The following TTC8 variants were observed in gnomAD, a reference collection of about 807,000 sequenced individuals.
The protein encoded by TTC8 is tetratricopeptide repeat protein 8.
A neutral mutation model predicts 72.5 loss-of-function variants in TTC8; 47 were observed. The ratio of observed to expected loss-of-function variants is 0.65; its 90% confidence interval spans 0.51 to 0.83. The LOEUF (loss-of-function observed/expected upper bound fraction) is 0.83, where lower values mean the gene tolerates loss of function less well. TTC8 is among the 40% of genes least tolerant of loss of function. The pLI is 0.00. For synonymous variants in TTC8, 199 were observed against 221.4 expected (o/e 0.90, Z 0.90); for missense variants, 611 against 623.2 (o/e 0.98, Z 0.21).
intron 2 of TTC8, among the ~76,000 whole-genome samples, chr14:88,837,337 T>C (rs1595936372): frequency 6.6e-6 from 1 of 152,300 alleles, no homozygotes; most frequent in Non-Finnish European, 1.5e-5. Context: ...TCTTCACTTC[T>C]ACCCTTCCTT....
downstream of TTC8, chr14:88,878,376 G>A (rs377187999): frequency 2.0e-5 from 3 of 152,246 alleles, no homozygotes; most frequent in African/African-American, 7.2e-5. Flanking sequence ...TCATACTTTG[G>A]ACTTTGGGAC....
intron 7 of TTC8, among the ~76,000 whole-genome samples, chr14:88,844,801 C>T (rs1424595409): frequency 6.6e-6 from 1 of 152,004 alleles, no homozygotes; most frequent in Non-Finnish European, 1.5e-5. Flanking sequence ...ATCCTCCTGC[C>T]TCAGCTTCCC....
upstream of TTC8, chr14:88,824,622 C>G (rs1183904261): frequency 1.0e-5 from 12 of 1,151,678 alleles, no homozygotes; most frequent in South Asian, 1.1e-4. Flanking sequence ...CGCGGGTTGC[C>G]GGGCAGAGTC....
At chr14:88,861,399 G>C (rs1179589884) in intron 10 of TTC8, 67 bp downstream of exon 10, 6 of 1,221,356 alleles carry the variant, frequency 4.9e-6, no homozygotes, top group Non-Finnish European at 7.1e-6. Context: ...TGTGGTACAT[G>C]TGATATTTTA....
chr14:88,843,677 T>A, intron 6 of TTC8, 129 bp from the exon 7 acceptor site: 1 of 618,996 alleles, frequency 1.6e-6, no homozygotes. Context: ...AGTAATATTT[T>A]AAAATGAGTG....
In TTC8 at chr14:88,861,282, A is replaced by G. The variant is rs762134991; in HGVS notation, c.859A>G (p.Lys287Glu). ...AAATCTTTTCAAACAAGGCTTAGAT[A>G]AGTTTCCAGGAGAAGTAACCCTGCT... ...ALNLFKQGLD[K>E]FPGEVTLLCG... The change falls in exon 10 of 15, where the codon AAG (lysine) becomes GAG (glutamate). Residue 287 changes from lysine (K) to glutamate (E), a missense_variant. Physicochemically the swap from Lys to Glu is moderately conservative, Grantham distance 56. Coordinates refer to ENST00000380656, the MANE Select transcript of TTC8 (RefSeq NM_144596.4). 3.1e-6 allele frequency: 5 copies of G among 1,613,034 alleles called. No homozygotes were observed. In the South Asian group the frequency reaches 5.5e-5, roughly 18 times the overall value.
At chr14:88,839,376 G>A (rs1206217842) in intron 2 of TTC8, 76 bp from the exon 3 acceptor site, 1 of 1,447,254 alleles carries the variant, frequency 6.9e-7, no homozygotes, top group Non-Finnish European at 9.6e-7. Context: ...CAACAATGAA[G>A]GATGGCTATT....
chr14:88,873,411 CT>C (rs1424678148), intron 13 of TTC8, among the ~76,000 whole-genome samples: 2 of 152,182 alleles, frequency 1.3e-5, no homozygotes, highest in Admixed American at 1.3e-4. Flanking sequence ...TATCACATCT[CT>C]TACTTTTTTT....
At chr14:88,856,308 T>G (rs888056495) in intron 8 of TTC8, among the ~76,000 whole-genome samples, 17 of 152,318 alleles carry the variant, frequency 1.1e-4, no homozygotes, top group Admixed American at 6.5e-5. Context: ...ACACCAATGC[T>G]TAAGGTTTAA....
chr14:88,860,911 C>T (rs1392752080), intron 9 of TTC8, among the ~76,000 whole-genome samples: 1 of 151,732 alleles, frequency 6.6e-6, no homozygotes, highest in Non-Finnish European at 1.5e-5. Context: ...TCTAGTGATC[C>T]TCCCATCTCA....
In TTC8 at chr14:88,824,693, G is replaced by A. The variant is rs1344706876; in HGVS notation, c.-15G>A. 1 of 1,591,850 alleles carries A rather than the reference G, an allele frequency of 6.3e-7. No homozygotes were observed. Among genetic ancestry groups the A allele is most frequent in the South Asian group, 1.1e-5 (1 of 88,238 alleles). ...CTCCTGGAGCGCTGGGCCTTCGCTG[G>A]CCGCACCGGCAGCCATGAGCTCGGA... On this transcript the variant is annotated 5_prime_UTR_variant, in exon 1 of 15. Coordinates refer to ENST00000380656, the MANE Select transcript of TTC8 (RefSeq NM_144596.4).
chr14:88,828,660 G>T (rs769503448), intron 1 of TTC8, among the ~76,000 whole-genome samples: 23 of 151,870 alleles, frequency 1.5e-4, no homozygotes, highest in Non-Finnish European at 2.4e-4. Context: ...TTCACTTTTG[G>T]TTTTGCTTAT....
intron 9 of TTC8, among the ~76,000 whole-genome samples, chr14:88,859,447 T>C (rs1237514543): frequency 6.6e-6 from 1 of 152,076 alleles, no homozygotes; most frequent in Admixed American, 6.5e-5. Context: ...GTTCTCACTA[T>C]AAGTGGGAGC....
chr14:88,859,798 T>C (rs2094875176), intron 9 of TTC8, among the ~76,000 whole-genome samples: 2 of 120,846 alleles, frequency 1.7e-5, no homozygotes, highest in South Asian at 5.2e-4. Flanking sequence ...ATATTTAATT[T>C]ATATAAAAAT....
chr14:88,839,378 A>T, intron 2 of TTC8, 74 bp from the exon 3 acceptor site: 1 of 1,458,212 alleles, frequency 6.9e-7, no homozygotes, highest in Non-Finnish European at 9.5e-7. Context: ...ACAATGAAGG[A>T]TGGCTATTTC....
intron 8 of TTC8, among the ~76,000 whole-genome samples, chr14:88,856,924 T>C (rs527304640): frequency 6.6e-6 from 1 of 152,336 alleles, no homozygotes; most frequent in South Asian, 2.1e-4. Flanking sequence ...TGACCTGGCT[T>C]ACTAGCAGCT....
intron 10 of TTC8, among the ~76,000 whole-genome samples, chr14:88,862,586 ATATATATATATT>A (rs2094892430): frequency 1.3e-5 from 1 of 76,054 alleles, no homozygotes; most frequent in Non-Finnish European, 2.5e-5. Context: ...ATATATATAT[ATATATATATATT>A]TAGAGATGGG....
intron 9 of TTC8, among the ~76,000 whole-genome samples, chr14:88,857,553 G>C (rs187371804): frequency 6.6e-6 from 1 of 152,240 alleles, no homozygotes; most frequent in Non-Finnish European, 1.5e-5. Flanking sequence ...ACTCGCATAG[G>C]TAACAGGCCC....
intron 7 of TTC8, among the ~76,000 whole-genome samples, chr14:88,849,881 G>T (rs1314837545): frequency 6.6e-6 from 1 of 152,248 alleles, no homozygotes; most frequent in African/African-American, 2.4e-5. Context: ...AACTAAAGTG[G>T]CATGTGGGTT....
Sources: allele counts gnomAD v4.1 joint callset (sites outside exome capture counted in the v4.1 genomes callset), GRCh38; gene constraint gnomAD v4.1.1; transcripts MANE v1.5; gene names NCBI Gene and HGNC (gene_info 2026-07-23, HGNC 2026-07-21).